ALG5: variants seen among roughly 807,000 people sequenced by gnomAD.
The protein encoded by ALG5 is ALG5 dolichyl-phosphate beta-glucosyltransferase.
ALG5 carries 26 observed loss-of-function variants against 51.8 expected under a neutral mutation model. That is an observed-to-expected ratio of 0.50 (90% CI 0.37 to 0.70). The LOEUF (loss-of-function observed/expected upper bound fraction) is 0.70. Ranked by LOEUF, ALG5 falls within the 30% of genes least tolerant of loss-of-function variation. ALG5 has a pLI of 0.00. For synonymous variants in ALG5, 141 were observed against 136.1 expected (o/e 1.04, Z -0.25); for missense variants, 311 against 399.3 (o/e 0.78, Z 1.88).
intron 8 of ALG5, among the ~76,000 whole-genome samples, chr13:36,958,358 T>C (rs538841709): frequency 1.3e-5 from 2 of 152,290 alleles, no homozygotes; most frequent in Admixed American, 6.5e-5. Context: ...CTTCAGGCCA[T>C]ACATTTCAAT....
At chr13:36,972,360 T>C (rs1566061558) in intron 6 of ALG5, among the ~76,000 whole-genome samples, 1 of 152,156 alleles carries the variant, frequency 6.6e-6, no homozygotes, top group African/African-American at 2.4e-5. Flanking sequence ...AAAAGGGTTA[T>C]CTGTAGATGA....
intron 3 of ALG5, among the ~76,000 whole-genome samples, 159 bp downstream of exon 3, chr13:36,994,830 G>A (rs553464883): frequency 2.0e-5 from 3 of 151,940 alleles, no homozygotes; most frequent in Admixed American, 6.6e-5. Flanking sequence ...AGCATGCTAC[G>A]TGCCGGGCTT....
intron 6 of ALG5, among the ~76,000 whole-genome samples, chr13:36,974,909 T>C (rs959652900): frequency 2.6e-5 from 4 of 152,212 alleles, no homozygotes; most frequent in African/African-American, 9.6e-5. Flanking sequence ...TTTGAATGAA[T>C]GGCCAAATAA....
intron 8 of ALG5, among the ~76,000 whole-genome samples, chr13:36,962,158 C>T (rs907590368): frequency 1.1e-4 from 17 of 152,110 alleles, no homozygotes; most frequent in Admixed American, 2.0e-4. Context: ...TATTTGATTT[C>T]GATTTCTTGA....
At chr13:36,969,563 T>C (rs1278216409) in intron 7 of ALG5, among the ~76,000 whole-genome samples, 1 of 152,116 alleles carries the variant, frequency 6.6e-6, no homozygotes, top group East Asian at 1.9e-4. Flanking sequence ...AGGAGGTGTC[T>C]TACTCTGTCG....
chr13:36,954,302 C>T (rs1263350756), intron 8 of ALG5, among the ~76,000 whole-genome samples: 1 of 152,074 alleles, frequency 6.6e-6, no homozygotes, highest in Non-Finnish European at 1.5e-5. Flanking sequence ...GAGATTTCCT[C>T]AATTTTATTA....
chr13:36,952,778 C>T (rs1012380337), intron 8 of ALG5, 179 bp from the exon 9 acceptor site: 11 of 426,070 alleles, frequency 2.6e-5, no homozygotes, highest in African/African-American at 2.3e-4. Flanking sequence ...AGTTTCAAGT[C>T]AAATAATAAT....
At chr13:36,967,390 G>C (rs1053616306) in intron 7 of ALG5, among the ~76,000 whole-genome samples, 7 of 152,014 alleles carry the variant, frequency 4.6e-5, no homozygotes, top group Admixed American at 2.0e-4. Flanking sequence ...ACCTCACAAA[G>C]TTATTATAAG....
intron 1 of ALG5, among the ~76,000 whole-genome samples, chr13:36,997,461 C>A (rs2840335): frequency 7.4e-6 from 1 of 134,582 alleles, no homozygotes. Flanking sequence ...AGCCAGACTC[C>A]GTCTCAAAAA....
chr13:36,963,854 C>G (rs1007317900), intron 8 of ALG5, among the ~76,000 whole-genome samples: 1 of 152,050 alleles, frequency 6.6e-6, no homozygotes, highest in African/African-American at 2.4e-5. Flanking sequence ...CATGCAGATA[C>G]CCAACATGAA....
chr13:36,987,339 T>A (rs2059006568), intron 5 of ALG5, among the ~76,000 whole-genome samples: 1 of 152,210 alleles, frequency 6.6e-6, no homozygotes, highest in Admixed American at 6.5e-5. Flanking sequence ...TTTGGATCTG[T>A]GTCCCCTCCA....
At chr13:36,973,416 C>T (rs1274304889) in intron 6 of ALG5, among the ~76,000 whole-genome samples, 13 of 152,116 alleles carry the variant, frequency 8.5e-5, no homozygotes, top group Admixed American at 8.5e-4. Context: ...TGGTGTGGGA[C>T]ATCGTGGTAG....
At chr13:36,971,186 C>T (rs572203552) in intron 7 of ALG5, among the ~76,000 whole-genome samples, 7 of 152,202 alleles carry the variant, frequency 4.6e-5, no homozygotes, top group African/African-American at 1.4e-4. Context: ...GACATTTTTA[C>T]ACCCTAAAAG....
rs747165329 is a variant in ALG5 at position 36,952,504 on chromosome 13, A to G, written c.859+10T>C. 1.2e-5 allele frequency: 19 copies of G among 1,581,116 alleles called. No individual in the cohort carries two copies. The highest frequency in any genetic ancestry group is 2.3e-5 in the East Asian group (1 of 43,976). On this transcript the variant is annotated intron_variant, in intron 9 of 9. Transcript: ENST00000239891. ...ACTCAAGACAATCATACAATAAACA[A>G]TATACTCACCTTCAATTTCTGTCCA...
intron 8 of ALG5, among the ~76,000 whole-genome samples, chr13:36,958,628 G>A (rs1358579133): frequency 6.6e-6 from 1 of 152,010 alleles, no homozygotes; most frequent in African/African-American, 2.4e-5. Context: ...AGCAGCACTT[G>A]GGTTTTCCTG....
intron 1 of ALG5, among the ~76,000 whole-genome samples, 165 bp from the exon 2 acceptor site, chr13:36,995,761 G>A (rs1261234091): frequency 1.3e-5 from 2 of 152,182 alleles, no homozygotes; most frequent in African/African-American, 2.4e-5. Context: ...TTAGACAATA[G>A]TGAGTCCCCT....
intron 8 of ALG5, among the ~76,000 whole-genome samples, chr13:36,954,572 C>T (rs1231293615): frequency 6.6e-6 from 1 of 152,162 alleles, no homozygotes; most frequent in Non-Finnish European, 1.5e-5. Context: ...CTCATATCAT[C>T]ATATTATAAG....
intron 6 of ALG5, among the ~76,000 whole-genome samples, chr13:36,974,711 AG>A (rs1048516116): frequency 2.7e-5 from 4 of 150,884 alleles, no homozygotes; most frequent in Non-Finnish European, 5.9e-5. Flanking sequence ...TTCTATGTAA[AG>A]CCCCCCCACC....
rs145657558 is a variant in ALG5, at chr13:36,959,917, G to C, written c.773+5658C>G. On this transcript the variant is annotated intron_variant, in intron 8 of 9. Coordinates refer to ENST00000239891, the MANE Select transcript of ALG5 (RefSeq NM_013338.5). ...TCACAGGCCAGAGAGCAAGCAGAAA[G>C]ACATGAGCTGACTGAGATGTCTCCA... is the stretch of plus-strand genomic sequence containing the variant. 6.1e-3 allele frequency among the ~76,000 whole-genome samples: 926 copies of C among 151,946 alleles called. 12 individuals carry two copies. The highest frequency in any genetic ancestry group is 0.022 in the African/African-American group (898 of 41,488).
Sources: gnomAD v4.1 joint callset for allele counts (sites outside exome capture counted in the v4.1 genomes callset) on GRCh38, gnomAD v4.1.1 for gene constraint, MANE v1.5 for transcripts, NCBI Gene and HGNC (gene_info 2026-07-23, HGNC 2026-07-21) for gene names.